Variants in KNTC1 observed in about 807,000 individuals in gnomAD.
KNTC1 encodes the protein kinetochore associated 1.
Under a neutral mutation model 314.4 loss-of-function variants are expected in KNTC1, and 253 were observed. The observed-to-expected ratio is 0.80, with a 90% confidence interval of 0.73 to 0.89. The LOEUF (loss-of-function observed/expected upper bound fraction) is 0.89. KNTC1 is among the 40% of genes least tolerant of loss of function. KNTC1 has a pLI of 0.00. For synonymous variants in KNTC1, 901 were observed against 901.4 expected (o/e 1.00, Z 0.01); for missense variants, 2,475 against 2,572.9 (o/e 0.96, Z 0.82).
At chr12:122,565,254 A>ATTTT (rs1565961758) in intron 20 of KNTC1, among the ~76,000 whole-genome samples, 9,607 of 139,294 alleles carry the variant, frequency 0.069, 416 homozygotes, top group Middle Eastern at 0.12. Context: ...TTTTTTTTTA[A>ATTTT]AAAAAAAAAA....
chr12:122,574,130 T>C (rs972513114), intron 26 of KNTC1, among the ~76,000 whole-genome samples, 152 bp from the exon 27 acceptor site: 1 of 152,224 alleles, frequency 6.6e-6, no homozygotes, highest in African/African-American at 2.4e-5. Flanking sequence ...TTTAGACCAT[T>C]GTTCAACATT....
At chr12:122,546,100 TAC>T in intron 8 of KNTC1, 74 bp from the exon 9 acceptor site, 1 of 826,832 alleles carries the variant, frequency 1.2e-6, no homozygotes, top group East Asian at 2.5e-5. Flanking sequence ...CTATAAAACT[TAC>T]ATGTTTCTAC....
intron 3 of KNTC1, among the ~76,000 whole-genome samples, chr12:122,537,447 C>T (rs1961932049): frequency 6.7e-6 from 1 of 148,170 alleles, no homozygotes; most frequent in South Asian, 2.1e-4. Flanking sequence ...GAGACGGAGT[C>T]TGGCTCTGTT....
intron 39 of KNTC1, among the ~76,000 whole-genome samples, chr12:122,588,362 A>G (rs1401198425): frequency 1.3e-5 from 2 of 152,190 alleles, no homozygotes; most frequent in Non-Finnish European, 2.9e-5. Flanking sequence ...ACTGGGCCTC[A>G]GAGGGAGTTG....
At chr12:122,595,747 T>G (rs1870946093) in intron 43 of KNTC1, among the ~76,000 whole-genome samples, 2 of 152,230 alleles carry the variant, frequency 1.3e-5, no homozygotes, top group South Asian at 4.1e-4. Flanking sequence ...TTTATTAATT[T>G]GAACTACTGC....
At chr12:122,550,192 A>G (rs10847169) in intron 13 of KNTC1, among the ~76,000 whole-genome samples, 47,456 of 152,084 alleles carry the variant, frequency 0.31, 8,877 homozygotes, top group Admixed American at 0.4. Context: ...ACTAATTTAC[A>G]TATTTTAAAA....
In KNTC1 at chr12:122,557,730, G is replaced by A. The variant is rs1238806291; in HGVS notation, c.1488+41G>A. 5 of 1,410,578 alleles carry A rather than the reference G, an allele frequency of 3.5e-6. No homozygotes were observed. In the South Asian group the frequency reaches 3.6e-5, roughly 10 times the overall value. 87.4% of individuals were successfully genotyped at this position (1,410,578 alleles called of 1,614,324 possible). On this transcript the variant is annotated intron_variant, in intron 18 of 63. Coordinates refer to ENST00000333479, the MANE Select transcript of KNTC1 (RefSeq NM_014708.6). ...TGTATTTTGTTTTTTTGGGGCAGGG[G>A]AGAATTTGCTTTAATCTCTCATAAT... is the stretch of plus-strand genomic sequence containing the variant.
At chr12:122,554,150 C>T (rs1003886316) in intron 16 of KNTC1, among the ~76,000 whole-genome samples, 3 of 146,254 alleles carry the variant, frequency 2.1e-5, no homozygotes, top group Admixed American at 6.8e-5. Flanking sequence ...AGGCTGGTCT[C>T]GAACTCGTGA....
chr12:122,605,149 T>C (rs1872441282), intron 50 of KNTC1, 62 bp downstream of exon 50: 7 of 1,399,278 alleles, frequency 5.0e-6, no homozygotes, highest in African/African-American at 1.4e-5. Flanking sequence ...CTCAGTTTTA[T>C]GTATATATGT....
rs938549057 is a variant in KNTC1 at position 122,562,710 on chromosome 12, T to G, written c.1604+11T>G. Reference sequence around the variant, plus strand: ...ACCAGAAAAATTCAGGTGTGTACATTTTTGTTAAAACTTTTTAGGCCAGGC... The same window carrying G: ...ACCAGAAAAATTCAGGTGTGTACATGTTTGTTAAAACTTTTTAGGCCAGGC... On this transcript the variant is annotated intron_variant, in intron 20 of 63. Coordinates refer to ENST00000333479, the MANE Select transcript of KNTC1 (RefSeq NM_014708.6). 7 of 1,593,554 alleles carry G rather than the reference T, an allele frequency of 4.4e-6. No individual in the cohort carries two copies. The highest frequency in any genetic ancestry group is 1.3e-5 in the African/African-American group (1 of 74,538).
In KNTC1 at chr12:122,615,063, C is replaced by T. The variant is rs764170655; in HGVS notation, c.5950C>T (p.Gln1984Ter). ...CCTGCAGCTTTGGAATGGACTCTTG[C>T]AAAAGCTTCTGGGCTTCAATATGGT... ...YDLQLWNGLL[Q>*]KLLGFNMIPY... The change falls in exon 56 of 64, where the codon CAA becomes TAA. Residue 1984 changes from glutamine (Q) to a stop codon, truncating the protein, a stop_gained. Coordinates refer to ENST00000333479, the MANE Select transcript of KNTC1 (RefSeq NM_014708.6). LOFTEE classifies it high-confidence loss of function. The T allele has an allele frequency of 1.2e-5, 19 of 1,612,718 alleles. No individual in the cohort carries two copies. Among genetic ancestry groups the T allele is most frequent in the Non-Finnish European group, 1.6e-5 (19 of 1,179,254 alleles).
chr12:122,594,547 A>G (rs1224371430), intron 43 of KNTC1, among the ~76,000 whole-genome samples, 162 bp downstream of exon 43: 2 of 152,242 alleles, frequency 1.3e-5, no homozygotes, highest in Non-Finnish European at 2.9e-5. Context: ...AGAGTCTCTT[A>G]TGATACCACC....
intron 7 of KNTC1, 35 bp from the exon 8 acceptor site, chr12:122,544,124 T>TTA: frequency 1.2e-6 from 1 of 850,588 alleles, no homozygotes; most frequent in South Asian, 1.6e-5. Flanking sequence ...TAAATATGTA[T>TTA]TATATATATG....
intron 40 of KNTC1, among the ~76,000 whole-genome samples, chr12:122,589,218 G>A (rs1249800801): frequency 6.6e-6 from 1 of 151,814 alleles, no homozygotes; most frequent in Non-Finnish European, 1.5e-5. Flanking sequence ...GAGCAACTGT[G>A]CCCCACTCTG....
chr12:122,612,786 C>G (rs1873315898), intron 53 of KNTC1: 1 of 207,228 alleles, frequency 4.8e-6, no homozygotes, highest in Admixed American at 5.8e-5. Context: ...AGTTGGGGGC[C>G]CTCCCTCCAT....
At chr12:122,591,948 C>T (rs1392803561) in intron 42 of KNTC1, among the ~76,000 whole-genome samples, 2 of 152,222 alleles carry the variant, frequency 1.3e-5, no homozygotes, top group Non-Finnish European at 2.9e-5. Flanking sequence ...TTCGGCCTGC[C>T]GCTGCACTGT....
rs188616798 is a variant in KNTC1 at position 122,618,964 on chromosome 12, T to C, written c.6149+419T>C. 2.0e-5 allele frequency among the ~76,000 whole-genome samples: 3 copies of C among 150,016 alleles called. No individual in the cohort carries two copies. The East Asian group carries it at 6.0e-4, about 30-fold the overall frequency. Reference sequence around the variant, plus strand: ...CGCCCGGCTATTATTTGTAATTTTATTAGAGACAGCCTCCCAAATTGCTGG... The same window carrying C: ...CGCCCGGCTATTATTTGTAATTTTACTAGAGACAGCCTCCCAAATTGCTGG... On this transcript the variant is annotated intron_variant, in intron 59 of 63. Coordinates refer to ENST00000333479, the MANE Select transcript of KNTC1 (RefSeq NM_014708.6).
chr12:122,549,560 T>C (rs1389885911), intron 12 of KNTC1, among the ~76,000 whole-genome samples: 1 of 151,862 alleles, frequency 6.6e-6, no homozygotes, highest in African/African-American at 2.4e-5. Context: ...TAGACAGGGT[T>C]TCACTGTGTT....
Position 122,609,441 on chromosome 12 carries a change from C to G in KNTC1, c.5543+11C>G. 5 of 1,516,954 alleles carry G rather than the reference C, an allele frequency of 3.3e-6. No homozygotes were observed. Among genetic ancestry groups the G allele is most frequent in the Non-Finnish European group, 4.5e-6 (5 of 1,107,828 alleles). The allele number at this position is 1,516,954 out of a possible 1,614,324, so 94.0% of individuals were successfully genotyped here. A position where few individuals can be genotyped will look rare whatever the true frequency, so the allele number is the denominator to read the frequency against. On this transcript the variant is annotated intron_variant, in intron 52 of 63. Coordinates refer to ENST00000333479, the MANE Select transcript of KNTC1 (RefSeq NM_014708.6). ...TGAAGCCCTACGAAGGTACTCTTTT[C>G]CTTTACTTATATTCACCTATATCGT...
Sources: allele counts gnomAD v4.1 joint callset (sites outside exome capture counted in the v4.1 genomes callset), GRCh38; gene constraint gnomAD v4.1.1; transcripts MANE v1.5; gene names NCBI Gene and HGNC (gene_info 2026-07-23, HGNC 2026-07-21).